The following PKP4 variants were observed in gnomAD, a reference collection of about 807,000 sequenced individuals.
The protein encoded by PKP4 is plakophilin-4.
PKP4 carries 90 observed loss-of-function variants against 145.1 expected under a neutral mutation model. The ratio of observed to expected loss-of-function variants is 0.62; its 90% CI spans 0.52 to 0.74. The LOEUF is 0.74. Ranked by LOEUF, PKP4 falls within the 30% of genes least tolerant of loss-of-function variation. PKP4 has a pLI of 0.00. For missense variants in PKP4, 1,340 were observed against 1,482.7 expected (o/e 0.90, Z 1.58); for synonymous variants, 563 against 577.2 (o/e 0.98, Z 0.35).
chr2:158,587,631 G>C (rs1454255580), intron 3 of PKP4, among the ~76,000 whole-genome samples: 2 of 151,574 alleles, frequency 1.3e-5, no homozygotes, highest in African/African-American at 4.8e-5. Context: ...CCCCTTATCT[G>C]GGTTTTAAAA....
intron 1 of PKP4, among the ~76,000 whole-genome samples, chr2:158,494,217 C>G (rs916021064): frequency 6.6e-6 from 1 of 151,814 alleles, no homozygotes; most frequent in Non-Finnish European, 1.5e-5. Context: ...TACTCTAGGA[C>G]AGCAGAGTAT....
Position 158,666,988 on chromosome 2 carries a change from G to T in PKP4, c.2728+425G>T, listed in dbSNP as rs545228689. Among the ~76,000 whole-genome samples the T allele has an allele frequency of 8.6e-4, 131 of 152,212 alleles. 1 individual carries two copies. The highest frequency in any genetic ancestry group is 1.3e-3 in the Non-Finnish European group (88 of 68,018). ...TTTGTAGCTTTCCCCTCTCACATTGGTATAAATCTTTATCCCAGAGAAGAA... is the reference window on the plus strand; with the variant it reads ...TTTGTAGCTTTCCCCTCTCACATTGTTATAAATCTTTATCCCAGAGAAGAA... On this transcript the variant is annotated intron_variant, in intron 16 of 21. Coordinates refer to ENST00000389759, the MANE Select transcript of PKP4 (RefSeq NM_003628.6).
intron 17 of PKP4, 140 bp downstream of exon 17, chr2:158,670,055 C>T (rs1371763381): frequency 3.1e-6 from 2 of 654,298 alleles, no homozygotes; most frequent in Non-Finnish European, 2.5e-6. Context: ...AAGCAGTCTC[C>T]AGCACTTACA....
intron 2 of PKP4, among the ~76,000 whole-genome samples, chr2:158,570,085 TA>T (rs957424926): frequency 2.6e-5 from 4 of 152,326 alleles, no homozygotes; most frequent in African/African-American, 9.6e-5. Flanking sequence ...GACTACCAAG[TA>T]GACATAATAA....
chr2:158,655,389 G>C (rs1048925001), intron 11 of PKP4, among the ~76,000 whole-genome samples: 8 of 151,704 alleles, frequency 5.3e-5, no homozygotes, highest in Admixed American at 5.2e-4. Context: ...AAGTAGCTGG[G>C]AGTAGAGACA....
At chr2:158,592,414 C>A (rs3771631) in intron 3 of PKP4, among the ~76,000 whole-genome samples, 78,196 of 151,696 alleles carry the variant, frequency 0.52, 20,504 homozygotes, top group South Asian at 0.69. Flanking sequence ...GTGGACTGTC[C>A]CACATGTGAA....
chr2:158,556,636 G>A (rs2046120339), intron 2 of PKP4, among the ~76,000 whole-genome samples: 1 of 151,584 alleles, frequency 6.6e-6, no homozygotes, highest in South Asian at 2.1e-4. Context: ...TGTCATAGAA[G>A]GCACTGTTTA....
chr2:158,637,974 G>A (rs374246460), intron 9 of PKP4, among the ~76,000 whole-genome samples: 145 of 152,348 alleles, frequency 9.5e-4, no homozygotes, highest in African/African-American at 3.2e-3. Flanking sequence ...CACCCTCGGG[G>A]CTGTCTGGCC....
chr2:158,653,971 G>T (rs1260090036), intron 11 of PKP4, among the ~76,000 whole-genome samples: 3 of 152,196 alleles, frequency 2.0e-5, no homozygotes, highest in African/African-American at 7.2e-5. Context: ...GCACACACAG[G>T]TGTTATTAGC....
In PKP4 at chr2:158,676,847, C is replaced by T; in HGVS notation, c.3236C>T (p.Thr1079Ile). 1 of 1,614,068 alleles carries T rather than the reference C, an allele frequency of 6.2e-7. No homozygotes were observed. ...MQYYNSQGDA[T>I]HKGLYPGSSK... ...TATTACAATAGCCAAGGGGATGCCACACATAAAGGCCTGTACCCTGGTAAG... is the reference window on the plus strand; with the variant it reads ...TATTACAATAGCCAAGGGGATGCCATACATAAAGGCCTGTACCCTGGTAAG... Residue 1079 changes from threonine to isoleucine, a missense_variant, in exon 20 of 22, where the codon ACA (threonine) becomes ATA (isoleucine). Physicochemically the swap from Thr to Ile is moderately conservative, Grantham distance 89. Coordinates refer to ENST00000389759, the MANE Select transcript of PKP4 (RefSeq NM_003628.6).
intron 3 of PKP4, among the ~76,000 whole-genome samples, chr2:158,579,090 CAT>C: frequency 6.6e-6 from 1 of 152,294 alleles, no homozygotes; most frequent in African/African-American, 2.4e-5. Context: ...AGGCTTCTAT[CAT>C]ATGTGGGTTT....
chr2:158,536,781 C>T (rs1207629388), intron 2 of PKP4, among the ~76,000 whole-genome samples: 1 of 152,168 alleles, frequency 6.6e-6, no homozygotes, highest in Non-Finnish European at 1.5e-5. Flanking sequence ...AATCCTTGCT[C>T]CTTGACAGAA....
chr2:158,518,763 A>G (rs1314782032), intron 1 of PKP4, among the ~76,000 whole-genome samples: 1 of 152,184 alleles, frequency 6.6e-6, no homozygotes. Context: ...TATGTCCTAA[A>G]ATACCCTTTA....
At chr2:158,671,434 A>G (rs959508380) in intron 17 of PKP4, among the ~76,000 whole-genome samples, 2 of 152,154 alleles carry the variant, frequency 1.3e-5, no homozygotes, top group African/African-American at 2.4e-5. Context: ...TGCTCTTAAA[A>G]TGTCGCTGGA....
intron 1 of PKP4, among the ~76,000 whole-genome samples, chr2:158,462,021 G>A (rs907827103): frequency 1.3e-5 from 2 of 152,204 alleles, no homozygotes; most frequent in African/African-American, 4.8e-5. Flanking sequence ...TGTATTTGAA[G>A]TGAGGCTATC....
chr2:158,522,938 C>G (rs565406960), intron 1 of PKP4, among the ~76,000 whole-genome samples: 2 of 152,162 alleles, frequency 1.3e-5, no homozygotes, highest in Non-Finnish European at 2.9e-5. Flanking sequence ...TAAAAAACGG[C>G]GCACCACCAG....
chr2:158,614,640 C>T (rs954458490), intron 4 of PKP4, among the ~76,000 whole-genome samples: 8 of 152,176 alleles, frequency 5.3e-5, no homozygotes, highest in African/African-American at 1.9e-4. Flanking sequence ...CCCTAGCAAA[C>T]ATAACATCTA....
chr2:158,619,444 C>A (rs1306956776), intron 4 of PKP4, among the ~76,000 whole-genome samples: 1 of 152,140 alleles, frequency 6.6e-6, no homozygotes, highest in Non-Finnish European at 1.5e-5. Context: ...AGAATGTCAG[C>A]TAATCTTTCC....
At chr2:158,461,674 G>A (rs1260574341) in intron 1 of PKP4, among the ~76,000 whole-genome samples, 1 of 152,070 alleles carries the variant, frequency 6.6e-6, no homozygotes, top group Non-Finnish European at 1.5e-5. Flanking sequence ...GGAGGGAGGG[G>A]GCCAGGGGAA....
Sources: gnomAD v4.1 joint callset for allele counts (sites outside exome capture counted in the v4.1 genomes callset) on GRCh38, gnomAD v4.1.1 for gene constraint, MANE v1.5 for transcripts, NCBI Gene and HGNC (gene_info 2026-07-23, HGNC 2026-07-21) for gene names.